The following GALNT7 variants were observed in gnomAD, a reference collection of about 807,000 sequenced individuals.
GALNT7 encodes the protein polypeptide N-acetylgalactosaminyltransferase 7.
In GALNT7, 60 loss-of-function variants were observed where a neutral mutation model predicts 82.1. The observed-to-expected ratio is 0.73, with a 90% CI of 0.59 to 0.91. The LOEUF is 0.91. Among genes scored for constraint, GALNT7 ranks in the 40% least tolerant of loss-of-function variants. The pLI, the probability that GALNT7 is intolerant of heterozygous loss-of-function variation, is 0.00. For synonymous variants in GALNT7, 243 were observed against 275.1 expected, an observed-to-expected ratio of 0.88 and a Z score of 1.15; for missense variants, 660 against 804.2, an observed-to-expected ratio of 0.82 and a Z score of 2.17.
At chr4:173,207,129 G>A (rs1356726444) in intron 1 of GALNT7, among the ~76,000 whole-genome samples, 1 of 151,958 alleles carries the variant, frequency 6.6e-6, no homozygotes, top group Non-Finnish European at 1.5e-5. Flanking sequence ...TTCTTCACTT[G>A]TTTTTCATAG....
At chr4:173,248,742 G>C (rs940648847) in intron 2 of GALNT7, among the ~76,000 whole-genome samples, 2 of 152,132 alleles carry the variant, frequency 1.3e-5, no homozygotes, top group Admixed American at 6.6e-5. Context: ...AAATGAGCTT[G>C]CACCAGGATG....
intron 1 of GALNT7, among the ~76,000 whole-genome samples, chr4:173,218,442 T>C (rs1733538861): frequency 7.0e-6 from 1 of 143,884 alleles, no homozygotes; most frequent in South Asian, 2.4e-4. Flanking sequence ...AGTATTGCCC[T>C]TACCTAAAAT....
intron 11 of GALNT7, among the ~76,000 whole-genome samples, chr4:173,318,921 T>C (rs1276878523): frequency 6.6e-6 from 1 of 152,000 alleles, no homozygotes; most frequent in East Asian, 1.9e-4. Context: ...GTAAAATATA[T>C]TTAAATATAT....
intron 2 of GALNT7, among the ~76,000 whole-genome samples, 154 bp from the exon 3 acceptor site, chr4:173,291,954 T>A (rs1170237603): frequency 1.3e-5 from 2 of 152,236 alleles, no homozygotes; most frequent in Non-Finnish European, 2.9e-5. Flanking sequence ...TTCTCTCTTT[T>A]ATCTTGCATT....
At chr4:173,187,216 T>C (rs910727728) in intron 1 of GALNT7, among the ~76,000 whole-genome samples, 1 of 152,198 alleles carries the variant, frequency 6.6e-6, no homozygotes, top group Non-Finnish European at 1.5e-5. Flanking sequence ...CCTAAATATA[T>C]GTACTATACA....
intron 2 of GALNT7, among the ~76,000 whole-genome samples, chr4:173,271,706 C>T (rs1273941965): frequency 6.6e-6 from 1 of 152,140 alleles, no homozygotes; most frequent in Non-Finnish European, 1.5e-5. Flanking sequence ...ATCCACCCAC[C>T]TCAACCTCCC....
At chr4:173,298,031 T>A in intron 5 of GALNT7, 84 bp from the exon 6 acceptor site, 2 of 1,553,672 alleles carry the variant, frequency 1.3e-6, no homozygotes, top group Admixed American at 2.1e-5. Context: ...AGTTCTTTTT[T>A]TTTTCTTCCC....
chr4:173,212,980 C>T (rs997312919), intron 1 of GALNT7, among the ~76,000 whole-genome samples: 1 of 151,640 alleles, frequency 6.6e-6, no homozygotes, highest in African/African-American at 2.4e-5. Flanking sequence ...TTGCTCACTT[C>T]ATGAAAAAAA....
At chr4:173,205,864 G>A (rs1214158029) in intron 1 of GALNT7, among the ~76,000 whole-genome samples, 1 of 152,088 alleles carries the variant, frequency 6.6e-6, no homozygotes, top group Non-Finnish European at 1.5e-5. Flanking sequence ...TAGCTTGGGT[G>A]GGCATGAAGT....
At chr4:173,242,954 T>C (rs1307446802) in intron 1 of GALNT7, among the ~76,000 whole-genome samples, 2 of 152,226 alleles carry the variant, frequency 1.3e-5, no homozygotes, top group African/African-American at 2.4e-5. Flanking sequence ...AGAATGAAGT[T>C]TGGCTTGTTA....
intron 1 of GALNT7, among the ~76,000 whole-genome samples, chr4:173,193,013 G>C (rs555692308): frequency 6.6e-5 from 10 of 152,290 alleles, no homozygotes; most frequent in African/African-American, 2.2e-4. Context: ...GCAAAGTTAT[G>C]GGGGAGGAAA....
At position 173,322,093 on chromosome 4, in the gene GALNT7, A is replaced by G; in HGVS notation, c.*376A>G. Reference sequence around the variant, plus strand: ...TTTTATTTTTAACACACTTGAAAAAAGGTTGGAGTAGCCAGACTTTCATAT... The same window carrying G: ...TTTTATTTTTAACACACTTGAAAAAGGGTTGGAGTAGCCAGACTTTCATAT... On this transcript the variant is annotated 3_prime_UTR_variant, in exon 12 of 12. Coordinates refer to ENST00000265000, the MANE Select transcript of GALNT7 (RefSeq NM_017423.3). 1 of 158,478 alleles carries G rather than the reference A, an allele frequency of 6.3e-6. No homozygotes were observed. Among genetic ancestry groups the G allele is most frequent in the Non-Finnish European group, 1.4e-5 (1 of 71,322 alleles). The allele number at this position is 158,478 out of a possible 1,614,324, so 9.8% of individuals were successfully genotyped here. A position where few individuals can be genotyped will look rare whatever the true frequency, so the allele number is the denominator to read the frequency against.
At chr4:173,265,613 C>T (rs969353663) in intron 2 of GALNT7, among the ~76,000 whole-genome samples, 3 of 142,114 alleles carry the variant, frequency 2.1e-5, no homozygotes, top group Admixed American at 1.4e-4. Flanking sequence ...CTCTCTCTCT[C>T]TCTCTCTGTC....
chr4:173,268,141 A>G (rs1735572590), intron 2 of GALNT7: 1 of 154,818 alleles, frequency 6.5e-6, no homozygotes, highest in Non-Finnish European at 1.5e-5. Flanking sequence ...TTGCGTCAAG[A>G]GAAGTGAAGA....
At chr4:173,212,703 T>G (rs937869322) in intron 1 of GALNT7, among the ~76,000 whole-genome samples, 1 of 143,354 alleles carries the variant, frequency 7.0e-6, no homozygotes, top group East Asian at 2.1e-4. Flanking sequence ...AGTGATTTGC[T>G]TATAATAAAA....
At chr4:173,173,235 A>C (rs1010077830) in intron 1 of GALNT7, among the ~76,000 whole-genome samples, 5 of 151,748 alleles carry the variant, frequency 3.3e-5, no homozygotes, top group African/African-American at 4.8e-5. Flanking sequence ...TTTTATGATT[A>C]TGGGAAGCTT....
chr4:173,208,518 A>G (rs1253704922), intron 1 of GALNT7, among the ~76,000 whole-genome samples: 3 of 152,084 alleles, frequency 2.0e-5, no homozygotes, highest in South Asian at 2.1e-4. Flanking sequence ...TAGCACCTTT[A>G]TCCCTTCTTA....
At chr4:173,260,624 G>A (rs768290889) in intron 2 of GALNT7, among the ~76,000 whole-genome samples, 1 of 152,156 alleles carries the variant, frequency 6.6e-6, no homozygotes, top group Non-Finnish European at 1.5e-5. Flanking sequence ...TTACAGAGCT[G>A]TATGTCATCA....
At chr4:173,180,650 G>C (rs533326645) in intron 1 of GALNT7, among the ~76,000 whole-genome samples, 1 of 152,186 alleles carries the variant, frequency 6.6e-6, no homozygotes, top group Non-Finnish European at 1.5e-5. Flanking sequence ...ATGAAAGCCT[G>C]TGTACCTGGA....
Sources: gnomAD v4.1 joint callset for allele counts (sites outside exome capture counted in the v4.1 genomes callset) on GRCh38, gnomAD v4.1.1 for gene constraint, MANE v1.5 for transcripts, NCBI Gene and HGNC (gene_info 2026-07-23, HGNC 2026-07-21) for gene names.